The following SLC26A3 variants were observed in gnomAD, a reference collection of about 807,000 sequenced individuals.
The protein encoded by SLC26A3 is chloride anion exchanger.
A neutral mutation model predicts 85.6 loss-of-function variants in SLC26A3; 64 were observed. That is an observed-to-expected ratio of 0.75 (90% CI 0.61 to 0.92). SLC26A3 has a LOEUF of 0.92. Among genes scored for constraint, SLC26A3 ranks in the 40% least tolerant of loss-of-function variants. The probability of loss-of-function intolerance (pLI) is 0.00; values close to 1 mark genes in which losing one functional copy is unlikely to be tolerated. For synonymous variants in SLC26A3, 349 were observed against 336.0 expected (o/e 1.04, Z -0.42); for missense variants, 922 against 927.3 (o/e 0.99, Z 0.07).
chr7:107,770,000 CTCTTTCTTTCTTTCTT>C lies in SLC26A3; in HGVS notation c.2062+2038_2062+2053del, dbSNP rs3076030. ...CCCTCCCTTCCTTCCTTCCTTTTTT[CTCTTTCTTTCTTTCTT>C]TCTTTCTTTCTTTCTTTCTTTCTTT... is the stretch of plus-strand genomic sequence containing the variant. On this transcript the variant is annotated intron_variant, in intron 18 of 20. Transcript: ENST00000340010. Among the ~76,000 whole-genome samples the C allele has an allele frequency of 7.5e-3, 986 of 131,086 alleles. 17 individuals are homozygous for C. Among genetic ancestry groups the C allele is most frequent in the African/African-American group, 0.024 (858 of 36,386 alleles). 86.0% of individuals were successfully genotyped at this position (131,086 alleles called of 152,430 possible). A position where few individuals can be genotyped will look rare whatever the true frequency, so the allele number is the denominator to read the frequency against.
chr7:107,780,891 T>C (rs1794205962), intron 11 of SLC26A3, among the ~76,000 whole-genome samples: 1 of 152,212 alleles, frequency 6.6e-6, no homozygotes, highest in South Asian at 2.1e-4. Context: ...GATATTGTAC[T>C]ACAGCTGTGT....
At chr7:107,794,205 A>G (rs1235509611) in intron 2 of SLC26A3, among the ~76,000 whole-genome samples, 174 bp downstream of exon 2, 2 of 152,180 alleles carry the variant, frequency 1.3e-5, no homozygotes, top group African/African-American at 4.8e-5. Flanking sequence ...GATGGGGTTC[A>G]TTTTAGACAC....
intron 18 of SLC26A3, among the ~76,000 whole-genome samples, chr7:107,768,752 G>GGT: frequency 6.6e-6 from 1 of 152,100 alleles, no homozygotes; most frequent in African/African-American, 2.4e-5. Context: ...TTTTCCTCTT[G>GGT]GTGGGTATCT....
intron 17 of SLC26A3, 82 bp from the exon 18 acceptor site, chr7:107,772,190 T>G (rs898089349): frequency 1.3e-6 from 1 of 797,406 alleles, no homozygotes; most frequent in Non-Finnish European, 2.2e-6. Flanking sequence ...AATTATACCT[T>G]ACGGGTGATA....
At position 107,803,083 on chromosome 7, in the gene SLC26A3, A is replaced by G. The variant is rs73191644; in HGVS notation, c.-89+28T>C. 5.2e-5 allele frequency: 8 copies of G among 152,440 alleles called. 1 individual carries two copies. The South Asian group carries it at 1.2e-3, about 24-fold the overall frequency. 9.4% of individuals were successfully genotyped at this position (152,440 alleles called of 1,614,324 possible). On this transcript the variant is annotated intron_variant, in intron 1 of 20. Coordinates refer to ENST00000340010, the MANE Select transcript of SLC26A3 (RefSeq NM_000111.3). ...TTCAAGGAACAGAAAACCAGTTTGA[A>G]TATAACAATCATAAATTTGGTTCCT...
chr7:107,775,589 G>A (rs1794098412), intron 15 of SLC26A3, among the ~76,000 whole-genome samples: 1 of 151,794 alleles, frequency 6.6e-6, no homozygotes, highest in Non-Finnish European at 1.5e-5. Flanking sequence ...GCACTTAGCG[G>A]GGTGTAGTGG....
chr7:107,771,450 T>C (rs1794029429), intron 18 of SLC26A3, among the ~76,000 whole-genome samples: 1 of 151,884 alleles, frequency 6.6e-6, no homozygotes, highest in South Asian at 2.1e-4. Context: ...TGGTATAGAG[T>C]GTACGGTTGA....
At chr7:107,802,761 T>G (rs1009383001) in intron 1 of SLC26A3, among the ~76,000 whole-genome samples, 1 of 136,462 alleles carries the variant, frequency 7.3e-6, no homozygotes, top group African/African-American at 2.6e-5. Context: ...TTTTTTTTTT[T>G]GCCAACCCTC....
chr7:107,788,211 T>C (rs1341109058), intron 6 of SLC26A3, among the ~76,000 whole-genome samples: 1 of 152,042 alleles, frequency 6.6e-6, no homozygotes, highest in Non-Finnish European at 1.5e-5. Flanking sequence ...CTTTTGGGAG[T>C]CGTTAAAAAT....
intron 1 of SLC26A3, among the ~76,000 whole-genome samples, chr7:107,801,277 T>C (rs1254074326): frequency 6.6e-6 from 1 of 152,216 alleles, no homozygotes; most frequent in Non-Finnish European, 1.5e-5. Context: ...CTCTGCTACA[T>C]ATTCAATGTC....
chr7:107,786,428 C>T (rs933504224), intron 8 of SLC26A3, among the ~76,000 whole-genome samples: 5 of 152,022 alleles, frequency 3.3e-5, no homozygotes, highest in African/African-American at 9.7e-5. Flanking sequence ...TCTCAAATTG[C>T]TGGGATTTCA....
intron 15 of SLC26A3, among the ~76,000 whole-genome samples, chr7:107,775,625 G>C (rs192216835): frequency 1.2e-4 from 18 of 151,676 alleles, no homozygotes; most frequent in Admixed American, 8.6e-4. Flanking sequence ...TCATCTACTT[G>C]GGGGGCTGAG....
chr7:107,801,554 C>G (rs1296199601), intron 1 of SLC26A3, among the ~76,000 whole-genome samples: 1 of 152,186 alleles, frequency 6.6e-6, no homozygotes, highest in Non-Finnish European at 1.5e-5. Flanking sequence ...AGAGAAGCAC[C>G]AGACTGTGTT....
At chr7:107,771,939 G>T in intron 18 of SLC26A3, 115 bp downstream of exon 18, 1 of 769,250 alleles carries the variant, frequency 1.3e-6, no homozygotes, top group Non-Finnish European at 2.3e-6. Flanking sequence ...CTGCATATTA[G>T]ATTTTCATCA....
intron 6 of SLC26A3, among the ~76,000 whole-genome samples, chr7:107,789,156 G>A (rs1794350382): frequency 1.5e-5 from 2 of 133,110 alleles, no homozygotes; most frequent in Admixed American, 8.2e-5. Flanking sequence ...TCACTGTGTT[G>A]CCCAGGCTGG....
chr7:107,778,714 G>A (rs1297650375), intron 12 of SLC26A3, among the ~76,000 whole-genome samples: 2 of 152,136 alleles, frequency 1.3e-5, no homozygotes, highest in African/African-American at 2.4e-5. Flanking sequence ...ATTAGACTGG[G>A]CGTGAAGGCT....
intron 15 of SLC26A3, chr7:107,776,185 G>A (rs747516131): frequency 2.1e-6 from 1 of 480,520 alleles, no homozygotes; most frequent in Non-Finnish European, 3.8e-6. Flanking sequence ...CCCAAAACTT[G>A]GTAAATTTCT....
chr7:107,789,119 C>CTTTTTTTTTTTTTTTTT (rs72134999), intron 6 of SLC26A3, among the ~76,000 whole-genome samples: 2 of 128,244 alleles, frequency 1.6e-5, no homozygotes, highest in Non-Finnish European at 1.6e-5. Context: ...TTTTCTTTTT[C>CTTTTTTTTTTTTTTTTT]TTTTTTTTTT....
intron 15 of SLC26A3, 67 bp from the exon 16 acceptor site, chr7:107,774,939 CAACTTT>C (rs1794086728): frequency 3.4e-6 from 4 of 1,170,754 alleles, no homozygotes; most frequent in Non-Finnish European, 5.1e-6. Flanking sequence ...ATAGTTCTAA[CAACTTT>C]AACTGGAGTG....
Sources: gnomAD v4.1 joint callset for allele counts (sites outside exome capture counted in the v4.1 genomes callset) on GRCh38, gnomAD v4.1.1 for gene constraint, MANE v1.5 for transcripts, NCBI Gene and HGNC (gene_info 2026-07-23, HGNC 2026-07-21) for gene names.